TBCD: variants seen among roughly 807,000 people sequenced by gnomAD.
TBCD encodes tubulin folding cofactor D.
In TBCD, 105 loss-of-function variants were observed where a neutral mutation model predicts 169.3. The ratio of observed to expected loss-of-function variants is 0.62; its 90% confidence interval spans 0.53 to 0.73. The LOEUF (loss-of-function observed/expected upper bound fraction) is 0.73. TBCD is among the 30% of genes least tolerant of loss of function. The pLI is 0.00. For synonymous variants in TBCD, 700 were observed against 643.9 expected (o/e 1.09, Z -1.32); for missense variants, 1,444 against 1,600.1 (o/e 0.90, Z 1.66).
rs901800086 is a variant in TBCD at position 82,814,918 on chromosome 17, G to T, written c.1302G>T (p.Pro434=). ...AELGRRGLLL[P]SRLVDVVAVI... is the part of the protein sequence containing the mutation. ...TGGGCAGGAGAGGCCTGTTGCTGCC[G>T]TCTCGACTCGTGGATGGTGAGTAGC... Residue 434 remains proline (P), a synonymous_variant, in exon 13 of 39, where the codon CCG becomes CCT. Coordinates refer to ENST00000355528, the MANE Select transcript of TBCD (RefSeq NM_005993.5). The T allele has an allele frequency of 6.2e-7, 1 of 1,604,746 alleles. No individual in the cohort carries two copies. The highest frequency in any genetic ancestry group is 8.5e-7 in the Non-Finnish European group (1 of 1,176,738).
intron 26 of TBCD, 71 bp from the exon 27 acceptor site, chr17:82,924,868 G>A: frequency 7.9e-7 from 1 of 1,261,742 alleles, no homozygotes. Context: ...CCTGTTTGGG[G>A]CACACGTCGG....
intron 9 of TBCD, among the ~76,000 whole-genome samples, chr17:82,803,989 C>T (rs1488587813): frequency 8.7e-5 from 4 of 46,088 alleles, no homozygotes; most frequent in South Asian, 8.9e-4. Context: ...GCCTGTGGGG[C>T]GTTAGGGGAG....
In TBCD at chr17:82,932,693, T is replaced by A. The variant is rs1270364295; in HGVS notation, c.3149T>A (p.Val1050Glu). The A allele has an allele frequency of 6.2e-7, 1 of 1,613,904 alleles. No homozygotes were observed. Among genetic ancestry groups the A allele is most frequent in the South Asian group, 1.1e-5 (1 of 91,030 alleles). Residue 1050 changes from valine to glutamate, a missense_variant, in exon 34 of 39, where the codon GTG (valine) becomes GAG (glutamate). Physicochemically the swap from Val to Glu is moderately radical, Grantham distance 121. Coordinates refer to ENST00000355528, the MANE Select transcript of TBCD (RefSeq NM_005993.5). ...SVPLLKTLDH[V>E]LTHGCFDIFT... ...CCGCTGCTGAAGACGCTGGACCACG[T>A]GCTCACCCACGGCTGCTTCGACATC...
chr17:82,937,826 G>C, intron 35 of TBCD: 1 of 1,468,384 alleles, frequency 6.8e-7, no homozygotes, highest in Non-Finnish European at 9.1e-7. Context: ...TCCTCTGTGA[G>C]GCGTCCTCAC....
chr17:82,885,525 A>G (rs113851235), intron 15 of TBCD, among the ~76,000 whole-genome samples: 13 of 152,326 alleles, frequency 8.5e-5, no homozygotes, highest in African/African-American at 3.1e-4. Flanking sequence ...TGTCTTCAGC[A>G]TCAGTAAAAA....
Position 82,889,699 on chromosome 17 carries a change from T to C in TBCD, c.1563+2T>C. Reference sequence around the variant, plus strand: ...TTCCAGGAGAATGTGGGGAGACAGGTATGGCTGCTTTCAAACACCTTTATT... The same window carrying C: ...TTCCAGGAGAATGTGGGGAGACAGGCATGGCTGCTTTCAAACACCTTTATT... On this transcript the variant is annotated splice_donor_variant, in intron 16 of 38. Coordinates refer to ENST00000355528, the MANE Select transcript of TBCD (RefSeq NM_005993.5). LOFTEE classifies it high-confidence loss of function. This position sits in a 1 kb window ranked among gnomAD's most constrained non-coding sequence, Gnocchi z 5.3. 1 of 1,613,494 alleles carries C rather than the reference T, an allele frequency of 6.2e-7. No individual in the cohort carries two copies. The highest frequency in any genetic ancestry group is 8.5e-7 in the Non-Finnish European group (1 of 1,179,742).
chr17:82,910,228 C>T (rs953170344), intron 22 of TBCD, among the ~76,000 whole-genome samples: 8 of 152,196 alleles, frequency 5.3e-5, no homozygotes, highest in Non-Finnish European at 1.0e-4. Context: ...CTTCCCAGAC[C>T]CTGCTGCTGC....
chr17:82,778,221 T>C (rs1254122456), intron 6 of TBCD, among the ~76,000 whole-genome samples: 1 of 152,262 alleles, frequency 6.6e-6, no homozygotes, highest in East Asian at 1.9e-4. Context: ...TATTTTATTA[T>C]ATTGGAACAG....
At chr17:82,792,537 G>T (rs998836343) in intron 7 of TBCD, among the ~76,000 whole-genome samples, 4 of 152,166 alleles carry the variant, frequency 2.6e-5, no homozygotes, top group East Asian at 1.9e-4. Context: ...AATGACAGAC[G>T]TAGGAAGCCA....
chr17:82,846,130 G>A (rs896494645), intron 13 of TBCD, among the ~76,000 whole-genome samples: 1 of 151,936 alleles, frequency 6.6e-6, no homozygotes, highest in East Asian at 1.9e-4. Flanking sequence ...AGGCCAGTGG[G>A]CAGAACTGTG....
At chr17:82,809,886 A>G in intron 12 of TBCD, 104 bp downstream of exon 12, 2 of 1,013,614 alleles carry the variant, frequency 2.0e-6, no homozygotes, top group Non-Finnish European at 2.9e-6. Flanking sequence ...GCTGTTTGTC[A>G]GAACTCCAGA....
chr17:82,868,053 G>T (rs1035318462), intron 13 of TBCD, among the ~76,000 whole-genome samples: 2 of 152,208 alleles, frequency 1.3e-5, no homozygotes, highest in Non-Finnish European at 2.9e-5. Flanking sequence ...GGGTCCTGGG[G>T]GTGAGAGCTG....
intron 13 of TBCD, chr17:82,830,372 T>C: frequency 6.2e-7 from 1 of 1,613,082 alleles, no homozygotes; most frequent in Non-Finnish European, 8.5e-7. Flanking sequence ...ACCCGGATGT[T>C]CCTGGGGCTG....
chr17:82,872,803 T>C (rs915562144), intron 14 of TBCD, among the ~76,000 whole-genome samples: 6 of 152,270 alleles, frequency 3.9e-5, no homozygotes, highest in Admixed American at 1.3e-4. Context: ...TGAAGACACC[T>C]GTCCAGCACC....
rs2050971248 is a variant in TBCD at position 82,806,490 on chromosome 17, A to G, written c.1087+479A>G. On this transcript the variant is annotated intron_variant, in intron 10 of 38. Transcript: ENST00000355528. The surrounding 1 kb of genome is among the most constrained non-coding windows in gnomAD (Gnocchi z 5.1). The stretch of plus-strand genomic sequence containing the variant: ...TCTCCTGCTGCACAGAGACAGAGCC[A>G]TCAGCGGAGCCCCTCATGGCGGCCA... 6.6e-6 allele frequency among the ~76,000 whole-genome samples: 1 copy of G among 152,178 alleles called. No individual in the cohort carries two copies. Among genetic ancestry groups the G allele is most frequent in the African/African-American group, 2.4e-5 (1 of 41,510 alleles).
At chr17:82,753,153 A>G (rs1420944205) in intron 1 of TBCD, among the ~76,000 whole-genome samples, 1 of 152,182 alleles carries the variant, frequency 6.6e-6, no homozygotes, top group East Asian at 1.9e-4. Context: ...GAGTAAGAAG[A>G]ACTTTTGCAT....
intron 6 of TBCD, among the ~76,000 whole-genome samples, chr17:82,775,408 C>T (rs887225326): frequency 1.1e-4 from 16 of 152,180 alleles, no homozygotes; most frequent in Non-Finnish European, 2.1e-4. Flanking sequence ...TCTGAGTTTC[C>T]TGTACTTCTC....
chr17:82,935,569 T>C (rs2062554545), intron 34 of TBCD, among the ~76,000 whole-genome samples: 1 of 152,176 alleles, frequency 6.6e-6, no homozygotes, highest in Admixed American at 6.5e-5. Context: ...ATTTTACTTT[T>C]TTCTGTTAAC....
chr17:82,882,100 C>G (rs1025010690), intron 14 of TBCD, among the ~76,000 whole-genome samples: 2 of 152,232 alleles, frequency 1.3e-5, no homozygotes, highest in Non-Finnish European at 2.9e-5. Flanking sequence ...TCACAAGGCC[C>G]GAGTCACATG....
Sources: gnomAD v4.1 joint callset for allele counts (sites outside exome capture counted in the v4.1 genomes callset) on GRCh38, gnomAD v4.1.1 for gene constraint, Gnocchi (gnomAD v3.1) non-coding constraint, MANE v1.5 for transcripts, NCBI Gene and HGNC (gene_info 2026-07-23, HGNC 2026-07-21) for gene names.